The following DAB2IP variants were observed in gnomAD, a reference collection of about 807,000 sequenced individuals.
DAB2IP encodes DAB2 interacting protein.
Under a neutral mutation model 107.2 loss-of-function variants are expected in DAB2IP, and 28 were observed. That is an observed-to-expected ratio of 0.26 (90% CI 0.19 to 0.36). The LOEUF is 0.36. Among genes scored for constraint, DAB2IP ranks in the 10% least tolerant of loss-of-function variants. The pLI, the probability that DAB2IP is intolerant of heterozygous loss-of-function variation, is 1.00. For synonymous variants in DAB2IP, 755 were observed against 706.4 expected (o/e 1.07, Z -1.09); for missense variants, 1,400 against 1,644.7 (o/e 0.85, Z 2.57).
chr9:121,687,046 T>G (rs1298755425), intron 2 of DAB2IP, among the ~76,000 whole-genome samples: 1 of 151,892 alleles, frequency 6.6e-6, no homozygotes, highest in African/African-American at 2.4e-5. Flanking sequence ...TTCCTGCCAG[T>G]TGGGGGCAGC....
chr9:121,664,925 C>T (rs1437026353), intron 1 of DAB2IP, among the ~76,000 whole-genome samples: 1 of 152,212 alleles, frequency 6.6e-6, no homozygotes, highest in East Asian at 1.9e-4. Context: ...ATGTCCCCTA[C>T]AGGATCTTAT....
At chr9:121,613,344 T>A (rs1006228571) in intron 1 of DAB2IP, among the ~76,000 whole-genome samples, 2 of 152,212 alleles carry the variant, frequency 1.3e-5, no homozygotes, top group African/African-American at 2.4e-5. Flanking sequence ...GTTGTTGACA[T>A]CCTCCTCACC....
intron 3 of DAB2IP, among the ~76,000 whole-genome samples, chr9:121,719,403 C>G (rs550575375): frequency 4.7e-4 from 72 of 152,292 alleles, no homozygotes; most frequent in African/African-American, 1.6e-3. Flanking sequence ...CATCACATAA[C>G]CAAGGCAGGG....
At chr9:121,733,076 GC>G (rs1235981607) in intron 3 of DAB2IP, among the ~76,000 whole-genome samples, 1 of 152,206 alleles carries the variant, frequency 6.6e-6, no homozygotes, top group East Asian at 1.9e-4. Context: ...CTCTTCAGAA[GC>G]CCTTGTGGTC....
At chr9:121,593,781 C>T (rs1355130766) in intron 1 of DAB2IP, among the ~76,000 whole-genome samples, 1 of 151,332 alleles carries the variant, frequency 6.6e-6, no homozygotes, top group Admixed American at 6.6e-5. Context: ...GATTCTCCTG[C>T]CTCAGCCTCC....
At chr9:121,579,594 C>T (rs1161859676) in intron 1 of DAB2IP, among the ~76,000 whole-genome samples, 1 of 152,104 alleles carries the variant, frequency 6.6e-6, no homozygotes, top group Non-Finnish European at 1.5e-5. Flanking sequence ...GGGGACCTCC[C>T]TAACATAGGC....
chr9:121,629,510 C>G (rs571926860), intron 1 of DAB2IP, among the ~76,000 whole-genome samples: 2 of 152,126 alleles, frequency 1.3e-5, no homozygotes, highest in South Asian at 2.1e-4. Context: ...GGGCAGGCGC[C>G]GGGCAGACAG....
At chr9:121,747,624 G>A (rs969555019) in intron 3 of DAB2IP, among the ~76,000 whole-genome samples, 61 of 152,146 alleles carry the variant, frequency 4.0e-4, no homozygotes, top group African/African-American at 1.5e-3. Flanking sequence ...TGGGATTACA[G>A]GCGTGAGCCA....
In DAB2IP at chr9:121,693,658, G is replaced by A. The variant is rs191183369; in HGVS notation, c.229-5667G>A. ...GAGTACTGTCTTGGGGTTCCCCAGT[G>A]GGCAGCTGAGAGCTTAACGGGTGAC... On this transcript the variant is annotated intron_variant, in intron 2 of 15. Transcript: ENST00000408936. Among the ~76,000 whole-genome samples, 20 of 152,326 alleles carry A rather than the reference G, an allele frequency of 1.3e-4. No individual in the cohort carries two copies. In the East Asian group the frequency reaches 3.3e-3, roughly 25 times the overall value.
At position 121,572,850 on chromosome 9, in the gene DAB2IP, C is replaced by A. The variant is rs1024918516; in HGVS notation, c.40+5622C>A. Among the ~76,000 whole-genome samples, 5 of 152,106 alleles carry A rather than the reference C, an allele frequency of 3.3e-5. 1 individual carries two copies. Among genetic ancestry groups the A allele is most frequent in the African/African-American group, 1.2e-4 (5 of 41,370 alleles). ...AGAAGCGGGTGGTTGCTTTCGATAT[C>A]ATGGAGGTGGAGCAGGCAGCTCAAA... On this transcript the variant is annotated intron_variant, in intron 1 of 16. Transcript: ENST00000259371.
intron 1 of DAB2IP, among the ~76,000 whole-genome samples, chr9:121,578,627 C>G (rs963460832): frequency 7.9e-5 from 12 of 151,928 alleles, no homozygotes; most frequent in South Asian, 2.1e-4. Flanking sequence ...GAGGACCCCC[C>G]CATCGACCTC....
chr9:121,781,763 CCA>C lies in DAB2IP; in HGVS notation c.3402+213_3402+214del, dbSNP rs1248236846. 1.8e-4 allele frequency among the ~76,000 whole-genome samples: 27 copies of C among 151,826 alleles called. 1 individual carries two copies. The highest frequency in any genetic ancestry group is 1.8e-3 in the Admixed American group (27 of 15,294). On this transcript the variant is annotated intron_variant, in intron 15 of 15. Coordinates refer to ENST00000408936, the Ensembl canonical transcript of DAB2IP. Reference sequence around the variant, plus strand: ...AAGGAGAGAGGCAGCTCCTCCCCTGCCAGGGCTCTTGGCGGGCATTGTCTTTC... The same window carrying C: ...AAGGAGAGAGGCAGCTCCTCCCCTGCGGGCTCTTGGCGGGCATTGTCTTTC...
intron 15 of DAB2IP, among the ~76,000 whole-genome samples, chr9:121,781,882 C>T (rs769107989): frequency 2.0e-4 from 30 of 152,170 alleles, no homozygotes; most frequent in Non-Finnish European, 3.7e-4. Flanking sequence ...GTGGGGCTCT[C>T]GTTCACAACT....
chr9:121,767,178 C>CTGAT (rs1479673092), intron 9 of DAB2IP, among the ~76,000 whole-genome samples: 2 of 152,216 alleles, frequency 1.3e-5, no homozygotes, highest in Non-Finnish European at 2.9e-5. Flanking sequence ...GATGTCTTTG[C>CTGAT]TGATAAAGCA....
At chr9:121,724,993 C>G (rs971965146) in intron 3 of DAB2IP, among the ~76,000 whole-genome samples, 3 of 152,158 alleles carry the variant, frequency 2.0e-5, no homozygotes, top group Admixed American at 1.3e-4. Context: ...GGAACCCTTG[C>G]AAGACAGTCT....
At chr9:121,596,473 C>T (rs4837882) in intron 1 of DAB2IP, among the ~76,000 whole-genome samples, 36,227 of 152,130 alleles carry the variant, frequency 0.24, 5,197 homozygotes, top group South Asian at 0.39. Flanking sequence ...TATGATAGCG[C>T]CACTGCACTC....
rs993971253 is a variant in DAB2IP, at chr9:121,599,129, G to A, written c.40+31901G>A. Among the ~76,000 whole-genome samples, 3 of 152,206 alleles carry A rather than the reference G, an allele frequency of 2.0e-5. No individual in the cohort carries two copies. Among genetic ancestry groups the A allele is most frequent in the East Asian group, 1.9e-4 (1 of 5,170 alleles). On this transcript the variant is annotated intron_variant, in intron 1 of 16. Transcript: ENST00000259371. The surrounding 1 kb of genome is among the most constrained non-coding windows in gnomAD (Gnocchi z 6.9). ...AAGTTTAAGGGGTCAGCGGATGCGG[G>A]AAGATTCTAGCGGGAAGGGGAGCTG...
chr9:121,584,022 C>T (rs1355710204), intron 1 of DAB2IP, among the ~76,000 whole-genome samples: 2 of 151,692 alleles, frequency 1.3e-5, no homozygotes, highest in Non-Finnish European at 2.9e-5. Flanking sequence ...ACTAAAAATA[C>T]AAAAAATAGC....
intron 1 of DAB2IP, among the ~76,000 whole-genome samples, chr9:121,598,817 G>C (rs1733018598): frequency 6.6e-6 from 1 of 152,254 alleles, no homozygotes; most frequent in South Asian, 2.1e-4. Context: ...TCGCTGTCCC[G>C]CCACCACGGT....
Sources: allele counts gnomAD v4.1 joint callset (sites outside exome capture counted in the v4.1 genomes callset), GRCh38; gene constraint gnomAD v4.1.1; non-coding constraint Gnocchi (gnomAD v3.1); transcripts MANE v1.5; gene names NCBI Gene and HGNC (gene_info 2026-07-23, HGNC 2026-07-21).